The following PHKB variants were observed in gnomAD, a reference collection of about 807,000 sequenced individuals.
The protein encoded by PHKB is phosphorylase kinase regulatory subunit beta.
In PHKB, 122 loss-of-function variants were observed where a neutral mutation model predicts 152.1. That is an observed-to-expected ratio of 0.80 (90% CI 0.69 to 0.93). PHKB has a LOEUF of 0.93. Among genes scored for constraint, PHKB ranks in the 40% least tolerant of loss-of-function variants. The pLI, the probability that PHKB is intolerant of heterozygous loss-of-function variation, is 0.00. For synonymous variants in PHKB, 436 were observed against 464.9 expected, an observed-to-expected ratio of 0.94 and a Z score of 0.80; for missense variants, 1,304 against 1,328.4, an observed-to-expected ratio of 0.98 and a Z score of 0.29.
chr16:47,490,328 G>A (rs1970126676), intron 1 of PHKB, among the ~76,000 whole-genome samples: 1 of 152,200 alleles, frequency 6.6e-6, no homozygotes, highest in Non-Finnish European at 1.5e-5. Flanking sequence ...GTCCAGGGTA[G>A]TTACAGTTAG....
At chr16:47,692,836 G>A (rs934179276) in intron 27 of PHKB, among the ~76,000 whole-genome samples, 1 of 151,938 alleles carries the variant, frequency 6.6e-6, no homozygotes, top group African/African-American at 2.4e-5. Flanking sequence ...GAGAACTTTA[G>A]CTATGTCTAA....
At chr16:47,546,076 T>C (rs1178291082) in intron 6 of PHKB, among the ~76,000 whole-genome samples, 1 of 152,228 alleles carries the variant, frequency 6.6e-6, no homozygotes, top group African/African-American at 2.4e-5. Context: ...TTACCAACTT[T>C]CTGAAGCCTA....
At chr16:47,505,383 C>CA (rs1339989734) in intron 4 of PHKB, 2 of 152,120 alleles carry the variant, frequency 1.3e-5, no homozygotes, top group African/African-American at 4.8e-5. Flanking sequence ...CCACGGAAGT[C>CA]AGAGTGGGTG....
chr16:47,513,598 C>T (rs1202447057), intron 5 of PHKB, among the ~76,000 whole-genome samples: 1 of 152,196 alleles, frequency 6.6e-6, no homozygotes, highest in African/African-American at 2.4e-5. Context: ...CTGGGCTCCT[C>T]TGCCCAAAGC....
chr16:47,512,821 C>T (rs1441381322), intron 5 of PHKB, among the ~76,000 whole-genome samples: 2 of 152,138 alleles, frequency 1.3e-5, no homozygotes, highest in Non-Finnish European at 2.9e-5. Flanking sequence ...CTTAACTATT[C>T]ATCTATTCCT....
chr16:47,661,941 A>G, intron 23 of PHKB, 141 bp downstream of exon 23: 2 of 706,050 alleles, frequency 2.8e-6, no homozygotes, highest in East Asian at 2.7e-5. Context: ...TTGAATGGAA[A>G]ATGTTCATTC....
rs552534080 is a variant in PHKB, at chr16:47,653,837, A to G, written c.1971+2916A>G. 1.2e-4 allele frequency among the ~76,000 whole-genome samples: 18 copies of G among 152,314 alleles called. No individual in the cohort carries two copies. The South Asian group carries it at 3.7e-3, about 32-fold the overall frequency. On this transcript the variant is annotated intron_variant, in intron 20 of 30. Coordinates refer to ENST00000323584, the MANE Select transcript of PHKB (RefSeq NM_000293.3). Reference sequence around the variant, plus strand: ...ATGTGAGTACCTCCTAAATTAGTCTACTAGTTTATTATAATCATGGTAATT... The same window carrying G: ...ATGTGAGTACCTCCTAAATTAGTCTGCTAGTTTATTATAATCATGGTAATT...
chr16:47,682,561 C>T (rs1448258677), intron 26 of PHKB, among the ~76,000 whole-genome samples: 1 of 152,212 alleles, frequency 6.6e-6, no homozygotes, highest in African/African-American at 2.4e-5. Flanking sequence ...GCATCGGCTC[C>T]TGAGGCTTCT....
At chr16:47,666,175 G>T in intron 25 of PHKB, 1 of 711,726 alleles carries the variant, frequency 1.4e-6, no homozygotes. Context: ...TTCTATCAAA[G>T]TCTCCTTCCC....
intron 8 of PHKB, among the ~76,000 whole-genome samples, chr16:47,585,044 C>G (rs1351383029): frequency 6.6e-6 from 1 of 152,164 alleles, no homozygotes; most frequent in Non-Finnish European, 1.5e-5. Flanking sequence ...ACCACTGGAA[C>G]TCAAGTCCCC....
intron 26 of PHKB, among the ~76,000 whole-genome samples, chr16:47,672,916 A>G (rs1330541263): frequency 6.6e-6 from 1 of 152,124 alleles, no homozygotes; most frequent in Admixed American, 6.6e-5. Flanking sequence ...CATGTGACTT[A>G]GTATTTAACA....
At chr16:47,647,663 A>G (rs1973157387) in intron 16 of PHKB, among the ~76,000 whole-genome samples, 1 of 151,702 alleles carries the variant, frequency 6.6e-6, no homozygotes, top group African/African-American at 2.4e-5. Context: ...ACGCCTGGCT[A>G]ATTTTTTGTA....
At chr16:47,597,336 A>T (rs897862528) in intron 13 of PHKB, among the ~76,000 whole-genome samples, 4 of 152,188 alleles carry the variant, frequency 2.6e-5, no homozygotes, top group African/African-American at 9.6e-5. Context: ...CCGTAAGAGT[A>T]ATCATCTTCG....
intron 1 of PHKB, among the ~76,000 whole-genome samples, chr16:47,469,992 T>G (rs759708581): frequency 2.2e-4 from 33 of 152,242 alleles, no homozygotes; most frequent in Middle Eastern, 3.2e-3. Context: ...GACAACTTTT[T>G]AAGCAGCTAA....
intron 24 of PHKB, 76 bp from the exon 25 acceptor site, chr16:47,664,809 T>G (rs776824501): frequency 9.3e-6 from 8 of 861,646 alleles, no homozygotes; most frequent in Admixed American, 5.8e-5. Context: ...GAATGCTGAC[T>G]GTTATGTTTG....
chr16:47,463,224 GA>G (rs1246401932), intron 1 of PHKB: 4 of 152,620 alleles, frequency 2.6e-5, no homozygotes, highest in Admixed American at 2.0e-4. Context: ...AGTAAGCTTT[GA>G]AAACCTTAAT....
At chr16:47,552,977 C>T (rs1039619632) in intron 7 of PHKB, among the ~76,000 whole-genome samples, 2 of 152,182 alleles carry the variant, frequency 1.3e-5, no homozygotes, top group African/African-American at 4.8e-5. Flanking sequence ...TTTTTTCCTT[C>T]ATTTCAACCT....
At chr16:47,579,523 T>C (rs1005922206) in intron 7 of PHKB, among the ~76,000 whole-genome samples, 2 of 152,184 alleles carry the variant, frequency 1.3e-5, no homozygotes, top group African/African-American at 4.8e-5. Flanking sequence ...TTAAATGATA[T>C]TAATGGCAAA....
Position 47,677,869 on chromosome 16 carries a change from T to G in PHKB, c.2630+8452T>G, listed in dbSNP as rs147110804. ...CTGCCATGTTGGTGTGCTGCACCCATTAACTCGTCATTTAGCATTAGGTAT... is the reference window on the plus strand; with the variant it reads ...CTGCCATGTTGGTGTGCTGCACCCAGTAACTCGTCATTTAGCATTAGGTAT... On this transcript the variant is annotated intron_variant, in intron 26 of 30. Transcript: ENST00000323584. 3.8e-3 allele frequency among the ~76,000 whole-genome samples: 581 copies of G among 151,510 alleles called. 1 individual carries two copies. Among genetic ancestry groups the G allele is most frequent in the Non-Finnish European group, 5.8e-3 (392 of 67,830 alleles).
Sources: gnomAD v4.1 joint callset for allele counts (sites outside exome capture counted in the v4.1 genomes callset) on GRCh38, gnomAD v4.1.1 for gene constraint, MANE v1.5 for transcripts, NCBI Gene and HGNC (gene_info 2026-07-23, HGNC 2026-07-21) for gene names.